Variants in CEP128 observed in about 807,000 individuals in gnomAD.
CEP128 encodes the protein centrosomal protein 128kDa.
Under a neutral mutation model 156.7 loss-of-function variants are expected in CEP128, and 132 were observed. The ratio of observed to expected loss-of-function variants is 0.84; its 90% CI spans 0.73 to 0.97. The LOEUF (loss-of-function observed/expected upper bound fraction) is 0.97. Ranked by LOEUF, CEP128 falls within the 50% of genes least tolerant of loss-of-function variation. The probability of loss-of-function intolerance (pLI) is 0.00; values close to 1 mark genes in which losing one functional copy is unlikely to be tolerated. For missense variants in CEP128, 1,252 were observed against 1,281.9 expected, an observed-to-expected ratio of 0.98 and a Z score of 0.36; for synonymous variants, 469 against 448.9, an observed-to-expected ratio of 1.04 and a Z score of -0.57.
chr14:80,726,062 CA>C (rs767255157), intron 19 of CEP128, among the ~76,000 whole-genome samples: 5 of 149,868 alleles, frequency 3.3e-5, no homozygotes, highest in African/African-American at 5.1e-5. Flanking sequence ...CTTTCCTTCC[CA>C]ATACCCAAAT....
intron 9 of CEP128, among the ~76,000 whole-genome samples, chr14:80,856,668 T>G (rs228110): frequency 5.4e-5 from 8 of 147,980 alleles, no homozygotes; most frequent in Non-Finnish European, 1.2e-4. Flanking sequence ...TGCCTGCGTG[T>G]GTGTGTGTGC....
At chr14:80,647,905 T>C (rs1017338313) in intron 19 of CEP128, among the ~76,000 whole-genome samples, 1 of 152,128 alleles carries the variant, frequency 6.6e-6, no homozygotes. Context: ...ATCACACTGC[T>C]TGGTTCTTAG....
At chr14:80,867,963 A>T (rs1010525006) in intron 8 of CEP128, among the ~76,000 whole-genome samples, 7 of 152,178 alleles carry the variant, frequency 4.6e-5, no homozygotes, top group Non-Finnish European at 7.4e-5. Context: ...AAGCAGCATG[A>T]GAGAAACAAC....
rs115784967 is a variant in CEP128 at position 80,850,840 on chromosome 14, T to C, written c.763-10072A>G. On this transcript the variant is annotated intron_variant, in intron 9 of 24. Transcript: ENST00000555265. ...ATATCAAAAATCCAGCTGTCTTTAT[T>C]AAGTTGTCAGTATAGTTTGAAAACC... Among the ~76,000 whole-genome samples the C allele has an allele frequency of 6.0e-3, 913 of 152,330 alleles. 7 individuals carry two copies. The highest frequency in any genetic ancestry group is 0.021 in the African/African-American group (858 of 41,572).
At chr14:80,812,302 T>C (rs996799487) in intron 13 of CEP128, among the ~76,000 whole-genome samples, 10 of 152,224 alleles carry the variant, frequency 6.6e-5, no homozygotes, top group African/African-American at 2.4e-4. Flanking sequence ...TCCAGTCCAC[T>C]GTTGATGGGG....
intron 18 of CEP128, among the ~76,000 whole-genome samples, chr14:80,746,668 GAC>G (rs1899117395): frequency 6.6e-6 from 1 of 152,190 alleles, no homozygotes; most frequent in South Asian, 2.1e-4. Context: ...AAATCGTTGT[GAC>G]CTTGGCTTGG....
chr14:80,756,202 C>T (rs774045756), intron 18 of CEP128, among the ~76,000 whole-genome samples: 4 of 152,158 alleles, frequency 2.6e-5, no homozygotes, highest in Non-Finnish European at 5.9e-5. Flanking sequence ...ATTCAGGTGG[C>T]ATAAATACAA....
intron 8 of CEP128, among the ~76,000 whole-genome samples, chr14:80,884,585 AGCCGTGAGGGACTGT>A (rs1333508945): frequency 6.6e-6 from 1 of 152,166 alleles, no homozygotes; most frequent in African/African-American, 2.4e-5. Flanking sequence ...AGCCAAGGGA[AGCCGTGAGGGACTGT>A]GCTGTGAGGG....
At chr14:80,812,492 A>G (rs528240015) in intron 13 of CEP128, among the ~76,000 whole-genome samples, 2 of 151,968 alleles carry the variant, frequency 1.3e-5, no homozygotes, top group Non-Finnish European at 2.9e-5. Context: ...TGCTTTCCAC[A>G]GTGGGTAAAC....
At chr14:80,642,324 C>A (rs1442134297) in intron 19 of CEP128, among the ~76,000 whole-genome samples, 1 of 152,198 alleles carries the variant, frequency 6.6e-6, no homozygotes, top group East Asian at 1.9e-4. Flanking sequence ...CTTAGTAGAA[C>A]ATGGGATGTG....
chr14:80,501,714 C>A (rs1887743760), intron 24 of CEP128, among the ~76,000 whole-genome samples: 1 of 151,908 alleles, frequency 6.6e-6, no homozygotes, highest in African/African-American at 2.4e-5. Flanking sequence ...CCGTGTTAGC[C>A]AGGATGGTCT....
At chr14:80,816,851 C>G (rs1161254948) in intron 13 of CEP128, among the ~76,000 whole-genome samples, 1 of 152,108 alleles carries the variant, frequency 6.6e-6, no homozygotes, top group Non-Finnish European at 1.5e-5. Context: ...GCTAAGAGCC[C>G]TCTTGGGAGT....
Position 80,955,279 on chromosome 14 carries a change from A to C in CEP128, c.-172+2899T>G, listed in dbSNP as rs146359014. ...CACGCTAGGGAAGGTGGCTCCTTGG[A>C]TTTAAAGAGGAGGAAAGGAGGGGGC... On this transcript the variant is annotated intron_variant, in intron 2 of 7. Transcript: ENST00000555529. 637 of 344,830 alleles carry C rather than the reference A, an allele frequency of 1.8e-3. 1 individual carries two copies. The highest frequency in any genetic ancestry group is 2.8e-3 in the Non-Finnish European group (530 of 186,476). The allele number at this position is 344,830 out of a possible 1,614,324, so 21.4% of individuals were successfully genotyped here.
intron 18 of CEP128, 78 bp from the exon 19 acceptor site, chr14:80,743,345 A>T: frequency 8.5e-7 from 1 of 1,180,896 alleles, no homozygotes; most frequent in Non-Finnish European, 1.2e-6. Context: ...GAAAAAAATA[A>T]GTAACATAAT....
intron 2 of CEP128, among the ~76,000 whole-genome samples, chr14:80,931,378 C>G (rs1260770316): frequency 6.6e-6 from 1 of 152,180 alleles, no homozygotes; most frequent in African/African-American, 2.4e-5. Flanking sequence ...TCACCTGAAC[C>G]TAACAACGTT....
At chr14:80,874,663 G>T (rs958981243) in intron 8 of CEP128, among the ~76,000 whole-genome samples, 1 of 152,140 alleles carries the variant, frequency 6.6e-6, no homozygotes, top group Non-Finnish European at 1.5e-5. Flanking sequence ...TGTCGCCCAG[G>T]CTGGAGTGCA....
At chr14:80,796,229 T>G (rs1258406243) in intron 13 of CEP128, among the ~76,000 whole-genome samples, 1 of 152,046 alleles carries the variant, frequency 6.6e-6, no homozygotes, top group African/African-American at 2.4e-5. Flanking sequence ...GAGGCCGAGG[T>G]GGGCGGATCA....
intron 2 of CEP128, 113 bp from the exon 3 acceptor site, chr14:80,916,675 T>C: frequency 1.3e-6 from 1 of 779,696 alleles, no homozygotes; most frequent in Non-Finnish European, 2.0e-6. Flanking sequence ...ATTAGTAATT[T>C]TGCACACTGT....
intron 19 of CEP128, among the ~76,000 whole-genome samples, chr14:80,715,586 G>A (rs1851903548): frequency 6.6e-6 from 1 of 152,094 alleles, no homozygotes. Flanking sequence ...AGAAAGATGA[G>A]AAGGAAAAAA....
Sources: allele counts gnomAD v4.1 joint callset (sites outside exome capture counted in the v4.1 genomes callset), GRCh38; gene constraint gnomAD v4.1.1; transcripts MANE v1.5; gene names NCBI Gene and HGNC (gene_info 2026-07-23, HGNC 2026-07-21).